The following GABRG3 variants were observed in gnomAD, a reference collection of about 807,000 sequenced individuals.
The protein encoded by GABRG3 is gamma-aminobutyric acid type A receptor subunit gamma3.
Under a neutral mutation model 48.8 loss-of-function variants are expected in GABRG3, and 25 were observed. The ratio of observed to expected loss-of-function variants is 0.51; its 90% CI spans 0.37 to 0.72. The LOEUF (loss-of-function observed/expected upper bound fraction) is 0.72. Ranked by LOEUF, GABRG3 falls within the 30% of genes least tolerant of loss-of-function variation. The pLI is 0.00. For synonymous variants in GABRG3, 227 were observed against 217.6 expected, an observed-to-expected ratio of 1.04 and a Z score of -0.38; for missense variants, 394 against 577.9, an observed-to-expected ratio of 0.68 and a Z score of 3.26.
intron 2 of GABRG3, among the ~76,000 whole-genome samples, chr15:27,004,147 C>G: frequency 6.6e-6 from 1 of 151,024 alleles, no homozygotes; most frequent in African/African-American, 2.4e-5. Context: ...ACCTCCCTCC[C>G]GGACGGGGTG....
At chr15:27,347,846 A>G (rs895018836) in intron 5 of GABRG3, among the ~76,000 whole-genome samples, 1 of 152,084 alleles carries the variant, frequency 6.6e-6, no homozygotes, top group African/African-American at 2.4e-5. Context: ...AGGTAAACAG[A>G]TACCTGCTGT....
chr15:27,246,836 A>T (rs1890285192), intron 3 of GABRG3, among the ~76,000 whole-genome samples: 1 of 152,232 alleles, frequency 6.6e-6, no homozygotes, highest in African/African-American at 2.4e-5. Context: ...GCACCATAAC[A>T]AAAACAGTGT....
At chr15:26,980,164 C>T (rs1380523738) in intron 2 of GABRG3, among the ~76,000 whole-genome samples, 2 of 151,974 alleles carry the variant, frequency 1.3e-5, no homozygotes, top group African/African-American at 4.8e-5. Flanking sequence ...TAATAATATC[C>T]CTGCTTCATT....
At chr15:27,291,018 G>A (rs1300941842) in intron 3 of GABRG3, among the ~76,000 whole-genome samples, 2 of 152,178 alleles carry the variant, frequency 1.3e-5, no homozygotes, top group East Asian at 1.9e-4. Context: ...CATGGAAAAT[G>A]CATTTGGAGT....
intron 5 of GABRG3, among the ~76,000 whole-genome samples, chr15:27,347,372 G>T (rs1361144304): frequency 6.6e-6 from 1 of 152,200 alleles, no homozygotes; most frequent in Non-Finnish European, 1.5e-5. Context: ...GCCTTCAGAA[G>T]TTTCTTCAGT....
chr15:27,098,879 C>A (rs1897309896), intron 3 of GABRG3, among the ~76,000 whole-genome samples: 1 of 151,748 alleles, frequency 6.6e-6, no homozygotes, highest in Non-Finnish European at 1.5e-5. Context: ...CCTCTTAGGA[C>A]CAAAAGTCCC....
At chr15:27,297,997 A>G (rs1290574692) in intron 3 of GABRG3, among the ~76,000 whole-genome samples, 1 of 152,030 alleles carries the variant, frequency 6.6e-6, no homozygotes, top group Non-Finnish European at 1.5e-5. Flanking sequence ...AAAAATCATT[A>G]TAGATCCTCA....
intron 3 of GABRG3, among the ~76,000 whole-genome samples, chr15:27,122,633 G>A (rs902641495): frequency 2.7e-4 from 41 of 152,208 alleles, no homozygotes; most frequent in Admixed American, 2.6e-3. Context: ...CAGAATGGAG[G>A]TGCAGACAGC....
At chr15:27,072,322 T>C (rs1332943899) in intron 3 of GABRG3, among the ~76,000 whole-genome samples, 1 of 152,236 alleles carries the variant, frequency 6.6e-6, no homozygotes. Context: ...TCCTACCTCC[T>C]TCTCCATGGA....
chr15:27,484,205 G>C (rs1352835648), intron 6 of GABRG3, among the ~76,000 whole-genome samples: 1 of 152,162 alleles, frequency 6.6e-6, no homozygotes, highest in Non-Finnish European at 1.5e-5. Context: ...CAAAGTGCTG[G>C]GATTACAGGT....
intron 5 of GABRG3, among the ~76,000 whole-genome samples, chr15:27,387,102 A>G (rs1303519129): frequency 2.0e-5 from 3 of 152,194 alleles, no homozygotes; most frequent in Admixed American, 6.5e-5. Context: ...CAAATATACT[A>G]TGATCAGAGC....
chr15:27,091,641 T>G (rs1897186999), intron 3 of GABRG3, among the ~76,000 whole-genome samples: 1 of 152,232 alleles, frequency 6.6e-6, no homozygotes, highest in Admixed American at 6.5e-5. Context: ...CCTCGCTGTT[T>G]GCTCTAGATC....
At chr15:27,336,907 C>T (rs1352394280) in intron 5 of GABRG3, among the ~76,000 whole-genome samples, 1 of 152,134 alleles carries the variant, frequency 6.6e-6, no homozygotes, top group Non-Finnish European at 1.5e-5. Context: ...ATGCCAGTCT[C>T]CAAAGGTCAC....
chr15:27,214,160 T>C (rs1476816004), intron 3 of GABRG3, among the ~76,000 whole-genome samples: 1 of 152,176 alleles, frequency 6.6e-6, no homozygotes, highest in Admixed American at 6.5e-5. Context: ...ATTCAGTCTA[T>C]AGGGTTGCTG....
At chr15:27,060,846 T>C (rs1896632169) in intron 3 of GABRG3, among the ~76,000 whole-genome samples, 1 of 152,224 alleles carries the variant, frequency 6.6e-6, no homozygotes, top group Non-Finnish European at 1.5e-5. Flanking sequence ...TATGTCTCTC[T>C]TCAGCTCTCA....
intron 3 of GABRG3, among the ~76,000 whole-genome samples, chr15:27,060,052 G>T (rs1896619491): frequency 6.6e-6 from 1 of 152,166 alleles, no homozygotes; most frequent in South Asian, 2.1e-4. Flanking sequence ...TAAACCAAGA[G>T]ATAAGGAAAA....
chr15:27,057,697 G>A (rs1418363804), intron 3 of GABRG3, among the ~76,000 whole-genome samples: 2 of 152,126 alleles, frequency 1.3e-5, no homozygotes, highest in Non-Finnish European at 2.9e-5. Context: ...AACTGGTGTT[G>A]TTGTCTGGGA....
At chr15:27,029,924 G>A (rs1896053903) in intron 3 of GABRG3, among the ~76,000 whole-genome samples, 1 of 152,164 alleles carries the variant, frequency 6.6e-6, no homozygotes, top group African/African-American at 2.4e-5. Flanking sequence ...ACATTGCCGA[G>A]TGCATCACAT....
intron 3 of GABRG3, among the ~76,000 whole-genome samples, chr15:27,313,258 GTGTGTATATA>G (rs1440821516): frequency 7.5e-5 from 4 of 53,036 alleles, no homozygotes; most frequent in Non-Finnish European, 9.9e-5. Context: ...GTGTGTGTGT[GTGTGTATATA>G]TATATATATA....
Sources: gnomAD v4.1 joint callset for allele counts (sites outside exome capture counted in the v4.1 genomes callset) on GRCh38, gnomAD v4.1.1 for gene constraint, MANE v1.5 for transcripts, NCBI Gene and HGNC (gene_info 2026-07-23, HGNC 2026-07-21) for gene names.